FRMD4B: variants seen among roughly 807,000 people sequenced by gnomAD.
FRMD4B encodes the protein FERM domain-containing protein 4B.
A neutral mutation model predicts 141.5 loss-of-function variants in FRMD4B; 74 were observed. That is an observed-to-expected ratio of 0.52 (90% CI 0.43 to 0.63). FRMD4B has a LOEUF of 0.63. Ranked by LOEUF, FRMD4B falls within the 30% of genes least tolerant of loss-of-function variation. The pLI, the probability that FRMD4B is intolerant of heterozygous loss-of-function variation, is 0.00. For missense variants in FRMD4B, 1,366 were observed against 1,253.4 expected, an observed-to-expected ratio of 1.09 and a Z score of -1.36; for synonymous variants, 506 against 467.9, an observed-to-expected ratio of 1.08 and a Z score of -1.05.
rs559119129 is a variant in FRMD4B at position 69,353,101 on chromosome 3, AAAG to A, written c.162+32724_162+32726del. On this transcript the variant is annotated intron_variant, in intron 1 of 22. Transcript: ENST00000398540. ...TCCAGTATTTAAAATTTAAAAAAAA[AAAG>A]AAGAAGAAAAAAGGAGAGTGGTGGG... Among the ~76,000 whole-genome samples, 306 of 152,116 alleles carry A rather than the reference AAAG, an allele frequency of 2.0e-3. 2 individuals carry two copies. Among genetic ancestry groups the A allele is most frequent in the Middle Eastern group, 6.8e-3 (2 of 292 alleles).
chr3:69,242,902 G>A (rs1458002895), intron 7 of FRMD4B, among the ~76,000 whole-genome samples: 2 of 149,258 alleles, frequency 1.3e-5, no homozygotes, highest in African/African-American at 2.5e-5. Context: ...GCTGAGGCAG[G>A]AGAATCGCTT....
intron 1 of FRMD4B, among the ~76,000 whole-genome samples, chr3:69,314,044 C>A (rs1701706191): frequency 1.5e-5 from 2 of 135,794 alleles, no homozygotes; most frequent in African/African-American, 5.6e-5. Flanking sequence ...GAGGCTGAGG[C>A]AGGAGAATGG....
In FRMD4B at chr3:69,343,577, GTTTTTTTTT is replaced by G. The variant is rs66705405; in HGVS notation, c.163-30069_163-30061del. ...AGCCATTTTGTCTTAACAGTTTTTT[GTTTTTTTTT>G]TTTTTTTTTTTTAGACGGGGTCTCG... On this transcript the variant is annotated intron_variant, in intron 1 of 22. Coordinates refer to ENST00000398540, the MANE Select transcript of FRMD4B (RefSeq NM_015123.3). Among the ~76,000 whole-genome samples the G allele has an allele frequency of 2.4e-5, 3 of 126,506 alleles. No individual in the cohort carries two copies. In the East Asian group the frequency reaches 7.1e-4, roughly 30 times the overall value. The allele number at this position is 126,506 out of a possible 152,430, so 83.0% of individuals were successfully genotyped here.
rs1037268098 is a variant in FRMD4B, at chr3:69,433,590, A to G, written c.-128-829T>C. Among the ~76,000 whole-genome samples, 7 of 152,216 alleles carry G rather than the reference A, an allele frequency of 4.6e-5. 1 individual carries two copies. The highest frequency in any genetic ancestry group is 3.9e-4 in the Admixed American group (6 of 15,286). On this transcript the variant is annotated intron_variant, in intron 1 of 5. Coordinates refer to the FRMD4B transcript ENST00000459638. ...GGTGCAAGATGGCACAAGAAGCAGG[A>G]AGTCAAGGGGATTTCCTCACAAACA...
At chr3:69,234,368 G>A (rs758394659) in intron 7 of FRMD4B, among the ~76,000 whole-genome samples, 12 of 152,046 alleles carry the variant, frequency 7.9e-5, no homozygotes, top group South Asian at 4.1e-4. Flanking sequence ...GCATAAACAA[G>A]TAATTATTAA....
chr3:69,312,120 A>C (rs1701615440), intron 2 of FRMD4B, among the ~76,000 whole-genome samples: 2 of 152,198 alleles, frequency 1.3e-5, no homozygotes, highest in Admixed American at 6.5e-5. Context: ...GATGTAATCT[A>C]TAAGCTTTTG....
chr3:69,182,098 G>A (rs1422189245), intron 20 of FRMD4B, among the ~76,000 whole-genome samples: 1 of 152,178 alleles, frequency 6.6e-6, no homozygotes, highest in African/African-American at 2.4e-5. Context: ...TGGTACATTC[G>A]AGTGGAGGTC....
intron 2 of FRMD4B, among the ~76,000 whole-genome samples, chr3:69,410,702 AATAT>A (rs1207128293): frequency 1.7e-4 from 23 of 135,776 alleles, no homozygotes; most frequent in Non-Finnish European, 2.2e-4. Flanking sequence ...GAAAAAAAGA[AATAT>A]ATAAATAAAT....
At chr3:69,532,618 T>G (rs1183388116) in intron 1 of FRMD4B, among the ~76,000 whole-genome samples, 1 of 152,144 alleles carries the variant, frequency 6.6e-6, no homozygotes, top group Non-Finnish European at 1.5e-5. Context: ...TCAGCTCCCC[T>G]CTCTCCCCAG....
At chr3:69,267,587 GTGTGTGTGTATATATATATATA>G (rs1371818112) in intron 5 of FRMD4B, among the ~76,000 whole-genome samples, 797 of 53,312 alleles carry the variant, frequency 0.015, 9 homozygotes, top group South Asian at 0.036. Context: ...ATGTGTGTGT[GTGTGTGTGTATATATATATATA>G]TATATATATA....
intron 1 of FRMD4B, among the ~76,000 whole-genome samples, chr3:69,356,700 C>T (rs1703334005): frequency 6.6e-6 from 1 of 150,554 alleles, no homozygotes; most frequent in South Asian, 2.1e-4. Flanking sequence ...ACTAATACAC[C>T]CCATACCCAT....
At chr3:69,197,165 G>A (rs1219850238) in intron 12 of FRMD4B, 127 bp from the exon 13 acceptor site, 8 of 623,160 alleles carry the variant, frequency 1.3e-5, no homozygotes, top group African/African-American at 7.4e-5. Flanking sequence ...AAACTCTTAC[G>A]CAAATGGGGA....
At chr3:69,340,280 C>G (rs1273112883) in intron 1 of FRMD4B, among the ~76,000 whole-genome samples, 1 of 151,992 alleles carries the variant, frequency 6.6e-6, no homozygotes, top group East Asian at 1.9e-4. Flanking sequence ...AAGCATAGTA[C>G]AGTACCTGAT....
intron 1 of FRMD4B, among the ~76,000 whole-genome samples, chr3:69,334,974 T>C (rs1379701185): frequency 6.6e-6 from 1 of 152,100 alleles, no homozygotes; most frequent in East Asian, 1.9e-4. Context: ...ACTAATGTGA[T>C]GGGGAGAGTT....
chr3:69,284,237 C>T (rs563109464), intron 5 of FRMD4B, among the ~76,000 whole-genome samples: 48 of 152,080 alleles, frequency 3.2e-4, no homozygotes, highest in African/African-American at 1.0e-3. Flanking sequence ...AAGAGAGCTG[C>T]GAAGAGAGAG....
At chr3:69,312,543 A>C (rs2107230645) in intron 2 of FRMD4B, among the ~76,000 whole-genome samples, 1 of 152,288 alleles carries the variant, frequency 6.6e-6, no homozygotes, top group East Asian at 1.9e-4. Flanking sequence ...GACTTTCACA[A>C]TTTTTAAAGA....
At position 69,187,852 on chromosome 3, in the gene FRMD4B, G is replaced by A. The variant is rs2092787181; in HGVS notation, c.1837C>T (p.Pro613Ser). Residue 613 changes from proline (P) to serine (S), a missense_variant, in exon 19 of 23, where the codon CCC (proline) becomes TCC (serine). By Grantham distance (74) the Pro-to-Ser change is moderately conservative. Coordinates refer to ENST00000398540, the MANE Select transcript of FRMD4B (RefSeq NM_015123.3). ...CGCTCAATACCAAGAGACTTGGGGG[G>A]AAGAATTCTTGGAGAATGAGGTACT... ...SSVPHSPRIL[P>S]PKSLGIERIH... 2 of 1,610,668 alleles carry A rather than the reference G, an allele frequency of 1.2e-6. No individual in the cohort carries two copies. Among genetic ancestry groups the A allele is most frequent in the Non-Finnish European group, 1.7e-6 (2 of 1,177,716 alleles).
intron 11 of FRMD4B, among the ~76,000 whole-genome samples, chr3:69,214,765 G>A (rs2093122270): frequency 6.6e-6 from 1 of 152,150 alleles, no homozygotes; most frequent in African/African-American, 2.4e-5. Context: ...GGGAGGCTGA[G>A]GTGGAAGGAT....
At chr3:69,288,170 C>T (rs1262984872) in intron 4 of FRMD4B, among the ~76,000 whole-genome samples, 3 of 152,358 alleles carry the variant, frequency 2.0e-5, no homozygotes, top group Middle Eastern at 3.4e-3. Context: ...ATACCTCAGA[C>T]AGCTTCAAAA....
Sources: gnomAD v4.1 joint callset for allele counts (sites outside exome capture counted in the v4.1 genomes callset) on GRCh38, gnomAD v4.1.1 for gene constraint, MANE v1.5 for transcripts, NCBI Gene and HGNC (gene_info 2026-07-23, HGNC 2026-07-21) for gene names.